NHSL1: variants seen among roughly 807,000 people sequenced by gnomAD.
NHSL1 encodes the protein NHS-like protein 1.
In NHSL1, 48 loss-of-function variants were observed where a neutral mutation model predicts 95.0. The ratio of observed to expected loss-of-function variants is 0.51; its 90% CI spans 0.40 to 0.64. The LOEUF is 0.64. Ranked by LOEUF, NHSL1 falls within the 30% of genes least tolerant of loss-of-function variation. The pLI, the probability that NHSL1 is intolerant of heterozygous loss-of-function variation, is 0.00. For synonymous variants in NHSL1, 783 were observed against 833.9 expected (o/e 0.94, Z 1.05); for missense variants, 1,971 against 2,077.7 (o/e 0.95, Z 1.00).
intron 2 of NHSL1, among the ~76,000 whole-genome samples, chr6:138,483,544 C>G (rs368662953): frequency 2.0e-5 from 3 of 152,182 alleles, no homozygotes; most frequent in African/African-American, 7.2e-5. Flanking sequence ...TTTTAACATT[C>G]CACTCCAGCT....
At chr6:138,691,898 G>T (rs1002518609) in intron 1 of NHSL1, 11 of 456,562 alleles carry the variant, frequency 2.4e-5, no homozygotes, top group Non-Finnish European at 4.8e-5. Flanking sequence ...TCTGGGAGAA[G>T]AAAGAAAATT....
At chr6:138,529,687 C>G (rs921882825) in intron 1 of NHSL1, among the ~76,000 whole-genome samples, 1 of 152,146 alleles carries the variant, frequency 6.6e-6, no homozygotes, top group African/African-American at 2.4e-5. Flanking sequence ...TCCTACTGCT[C>G]CCTCTATCTT....
chr6:138,559,155 TTAAAGTTTTGGACTAAAC>T (rs1230065250), intron 1 of NHSL1, among the ~76,000 whole-genome samples: 1 of 152,260 alleles, frequency 6.6e-6, no homozygotes, highest in Non-Finnish European at 1.5e-5. Context: ...AAATTGGAAG[TTAAAGTTTTGGACTAAAC>T]TTCACAACTA....
chr6:138,667,456 T>G (rs971973744), intron 1 of NHSL1, among the ~76,000 whole-genome samples: 7 of 152,244 alleles, frequency 4.6e-5, no homozygotes, highest in African/African-American at 1.4e-4. Context: ...AAACTGCTGT[T>G]AAGCTGTATA....
intron 1 of NHSL1, among the ~76,000 whole-genome samples, chr6:138,578,678 A>G (rs1041220383): frequency 6.6e-6 from 1 of 152,098 alleles, no homozygotes; most frequent in Non-Finnish European, 1.5e-5. Flanking sequence ...TATTTTTTTT[A>G]ATCTACTCAA....
At chr6:138,593,134 A>C (rs1177448939) in intron 1 of NHSL1, among the ~76,000 whole-genome samples, 4 of 152,228 alleles carry the variant, frequency 2.6e-5, no homozygotes, top group African/African-American at 9.6e-5. Context: ...GACTTATTGA[A>C]TCCTGAAACT....
In NHSL1 at chr6:138,431,033, A is replaced by G; in HGVS notation, c.3312T>C (p.Val1104=). The part of the protein sequence containing the change: ...ERTAQEQRTP[V]APQYHLKPSA... ...ATGGCTTTAAGTGGTACTGTGGAGC[A>G]ACTGGAGTTCGTTGTTCCTGAGCTG... Residue 1104 remains valine, a synonymous_variant, in exon 6 of 8, where the codon GTT becomes GTC. Transcript: ENST00000343505. The surrounding 1 kb of genome is among the most constrained non-coding windows in gnomAD (Gnocchi z 4.0). 6.4e-7 allele frequency: 1 copy of G among 1,552,236 alleles called. No individual in the cohort carries two copies. The highest frequency in any genetic ancestry group is 8.7e-7 in the Non-Finnish European group (1 of 1,147,104).
Position 138,431,487 on chromosome 6 carries a change from G to T in NHSL1, c.2858C>A (p.Pro953Gln), listed in dbSNP as rs756341839. 166 of 1,551,276 alleles carry T rather than the reference G, an allele frequency of 1.1e-4. No individual in the cohort carries two copies. The highest frequency in any genetic ancestry group is 1.4e-4 in the Non-Finnish European group (158 of 1,146,848). Residue 953 changes from proline (P) to glutamine (Q), a missense_variant, in exon 6 of 8, where the codon CCA becomes CAA. Physicochemically the swap from Pro to Gln is moderately conservative, Grantham distance 76. Around this residue, in one of 3 missense-constraint regions of NHSL1, gnomAD observed 1,602 missense variants for 1,654.5 expected, o/e 0.97. Transcript: ENST00000343505. The surrounding 1 kb of genome is among the most constrained non-coding windows in gnomAD (Gnocchi z 4.0). ...CTGGGAGCAATCTGTGACAGGAGGT[G>T]GGGGAGGAAGGAAAGGAGACCTGTC... Reference protein sequence around the residue: ...PADRSPFLPPPPPVTDCSQGS... With the variant: ...PADRSPFLPPQPPVTDCSQGS...
At chr6:138,561,672 C>T (rs1241327190) in intron 1 of NHSL1, among the ~76,000 whole-genome samples, 1 of 152,136 alleles carries the variant, frequency 6.6e-6, no homozygotes, top group Non-Finnish European at 1.5e-5. Flanking sequence ...CACAAGAACC[C>T]ACGATGTGCC....
intron 1 of NHSL1, among the ~76,000 whole-genome samples, chr6:138,520,199 T>C (rs1781619672): frequency 1.3e-5 from 2 of 149,090 alleles, no homozygotes; most frequent in African/African-American, 2.5e-5. Flanking sequence ...AAAATAAATA[T>C]CAATAACTAA....
chr6:138,577,696 C>A (rs915048591), intron 1 of NHSL1, among the ~76,000 whole-genome samples: 1 of 152,068 alleles, frequency 6.6e-6, no homozygotes, highest in African/African-American at 2.4e-5. Flanking sequence ...TAGCTTAGGA[C>A]AGCGTACAGT....
At chr6:138,533,801 T>C (rs1251089699) in intron 1 of NHSL1, among the ~76,000 whole-genome samples, 1 of 152,132 alleles carries the variant, frequency 6.6e-6, no homozygotes, top group Non-Finnish European at 1.5e-5. Flanking sequence ...CACTTCAGAG[T>C]GATGCTTGAG....
upstream of NHSL1, among the ~76,000 whole-genome samples, chr6:138,577,477 T>TGGGGTTGGC (rs899752130): frequency 6.6e-6 from 1 of 152,158 alleles, no homozygotes; most frequent in African/African-American, 2.4e-5. Context: ...CAAGCGCCGC[T>TGGGGTTGGC]GGGGTTGGCT....
Position 138,678,814 on chromosome 6 carries a change from T to C in NHSL1, c.96+13662A>G, listed in dbSNP as rs151214191. ...CACATAGTAAGTATCCTATAAGTGT[T>C]AGCTACAAATGTTATCCTGTAAGTG... On this transcript the variant is annotated intron_variant, in intron 1 of 3. Transcript: ENST00000491526. Among the ~76,000 whole-genome samples, 53 of 152,342 alleles carry C rather than the reference T, an allele frequency of 3.5e-4. 1 individual carries two copies. In the East Asian group the frequency reaches 9.1e-3, roughly 26 times the overall value.
chr6:138,512,620 G>A (rs191434383), intron 1 of NHSL1: 2 of 188,690 alleles, frequency 1.1e-5, no homozygotes, highest in East Asian at 1.7e-4. Flanking sequence ...TGTATAATTC[G>A]ACTTAGAATG....
At chr6:138,661,949 C>T (rs1583470390) in intron 1 of NHSL1, among the ~76,000 whole-genome samples, 1 of 151,970 alleles carries the variant, frequency 6.6e-6, no homozygotes, top group African/African-American at 2.4e-5. Context: ...TGGCGTGCAC[C>T]TGTAGCCTCA....
chr6:138,585,754 T>C (rs554840038), intron 1 of NHSL1, among the ~76,000 whole-genome samples: 3 of 151,472 alleles, frequency 2.0e-5, no homozygotes, highest in Admixed American at 1.3e-4. Context: ...CATTTCAAAA[T>C]AGGGGGAAAA....
intron 3 of NHSL1, among the ~76,000 whole-genome samples, chr6:138,458,614 G>A (rs1268398755): frequency 6.6e-6 from 1 of 152,060 alleles, no homozygotes; most frequent in East Asian, 1.9e-4. Context: ...AGATCACAAG[G>A]TCAGGAGATC....
intron 3 of NHSL1, among the ~76,000 whole-genome samples, chr6:138,456,061 T>C (rs991899920): frequency 1.3e-5 from 2 of 152,228 alleles, no homozygotes; most frequent in Admixed American, 6.5e-5. Context: ...AACATTAATT[T>C]ACTTCAACCT....
Sources: allele counts gnomAD v4.1 joint callset (sites outside exome capture counted in the v4.1 genomes callset), GRCh38; gene constraint gnomAD v4.1.1; regional missense constraint gnomAD v4.1.1; non-coding constraint Gnocchi (gnomAD v3.1); transcripts MANE v1.5; gene names NCBI Gene and HGNC (gene_info 2026-07-23, HGNC 2026-07-21).